OR13G1: variants seen among roughly 807,000 people sequenced by gnomAD.
The protein encoded by OR13G1 is olfactory receptor 13G1.
For missense variants in OR13G1, 369 were observed against 385.7 expected (o/e 0.96, Z 0.36); for synonymous variants, 128 against 136.2 (o/e 0.94, Z 0.42).
chr1:247,673,305 A>C, intron 1 of OR13G1, 26 bp from the exon 2 acceptor site: 1 of 424,234 alleles, frequency 2.4e-6, no homozygotes, highest in Non-Finnish European at 4.2e-6. Context: ...GAGAAGAAAA[A>C]TATTTTCAAA....
At chr1:247,673,717 C>G (rs1274938975) in intron 1 of OR13G1, among the ~76,000 whole-genome samples, 5 of 152,090 alleles carry the variant, frequency 3.3e-5, no homozygotes, top group Admixed American at 3.3e-4. Flanking sequence ...CCAAAATTCA[C>G]TGGACCAGCT....
At chr1:247,679,222 A>G (rs1218200196) in intron 1 of OR13G1, among the ~76,000 whole-genome samples, 1 of 152,120 alleles carries the variant, frequency 6.6e-6, no homozygotes, top group African/African-American at 2.4e-5. Flanking sequence ...TTCTTAAACT[A>G]TTTAGCTAAG....
chr1:247,677,196 T>C (rs1045963705), intron 1 of OR13G1, among the ~76,000 whole-genome samples: 1 of 152,158 alleles, frequency 6.6e-6, no homozygotes, highest in Non-Finnish European at 1.5e-5. Flanking sequence ...TGAGCCGAGA[T>C]TGTGCCACTG....
At chr1:247,678,361 C>T (rs1210482118) in intron 1 of OR13G1, among the ~76,000 whole-genome samples, 1 of 152,168 alleles carries the variant, frequency 6.6e-6, no homozygotes, top group Admixed American at 6.5e-5. Context: ...GTATTTTCAT[C>T]TTCATTGTCA....
chr1:247,671,251 C>A lies in OR13G1; in HGVS notation c.*867G>T, dbSNP rs988093898. 13 of 151,998 alleles carry A rather than the reference C, an allele frequency of 8.6e-5. No individual in the cohort carries two copies. 9.4% of individuals were successfully genotyped at this position (151,998 alleles called of 1,614,324 possible). On this transcript the variant is annotated 3_prime_UTR_variant, in exon 2 of 2. Coordinates refer to ENST00000642119, the MANE Select transcript of OR13G1 (RefSeq NM_001005487.2). ...ATGTAGCTTATACTTACTGGGTTAT[C>A]CTTATAAAAATAATAGGCAGTGCTT...
At position 247,672,533 on chromosome 1, in the gene OR13G1, G is replaced by A. The variant is rs1350083919; in HGVS notation, c.509C>T (p.Thr170Ile). The A allele has an allele frequency of 1.2e-6, 2 of 1,614,046 alleles. No homozygotes were observed. The highest frequency in any genetic ancestry group is 2.2e-5 in the East Asian group (1 of 44,882). ...IMRLTFCGPN[T>I]IDHFFCEIPP... is the part of the protein sequence containing the mutation. ...TATCTCACAGAAGAAGTGGTCAATG[G>A]TGTTTGGCCCACAGAAAGTCAACCT... Residue 170 changes from threonine (T) to isoleucine (I), a missense_variant, in exon 2 of 2, where the codon ACC (threonine) becomes ATC (isoleucine). Thr to Ile is a moderately conservative substitution (Grantham distance 89). Coordinates refer to ENST00000642119, the MANE Select transcript of OR13G1 (RefSeq NM_001005487.2).
intron 1 of OR13G1, among the ~76,000 whole-genome samples, chr1:247,676,746 G>C (rs1288612571): frequency 6.6e-6 from 1 of 152,088 alleles, no homozygotes; most frequent in Non-Finnish European, 1.5e-5. Flanking sequence ...TGTGATATCT[G>C]AAACCCTAGC....
rs1251170875 is a variant in OR13G1, at chr1:247,673,205, G to A, written c.-164C>T. ...AGGAATTCCCATTTGATGGAGTTCT[G>A]TATTCCAGGCAATATACTCTGTTTT... On this transcript the variant is annotated 5_prime_UTR_variant, in exon 2 of 2. Coordinates refer to ENST00000642119, the MANE Select transcript of OR13G1 (RefSeq NM_001005487.2). The A allele has an allele frequency of 3.3e-6, 2 of 601,754 alleles. No homozygotes were observed. Among genetic ancestry groups the A allele is most frequent in the Non-Finnish European group, 5.8e-6 (2 of 343,132 alleles). 37.3% of individuals were successfully genotyped at this position (601,754 alleles called of 1,614,324 possible). A position where few individuals can be genotyped will look rare whatever the true frequency, so the allele number is the denominator to read the frequency against.
rs968414091 is a variant in OR13G1, at chr1:247,672,918, T to C, written c.124A>G (p.Ile42Val). 2 of 1,614,014 alleles carry C rather than the reference T, an allele frequency of 1.2e-6. No individual in the cohort carries two copies. Among genetic ancestry groups the C allele is most frequent in the Admixed American group, 3.3e-5 (2 of 59,998 alleles). ...TTGTTATAGATTTTGGCAATGATGA[T>C]GAGCATGTTGCCGAGAAAAGCCACA... ...YLVAFLGNMLIIIAKIYNNTL... is the reference protein window; with the variant it reads ...YLVAFLGNMLVIIAKIYNNTL... The change falls in exon 2 of 2, where the codon ATC becomes GTC. Residue 42 changes from isoleucine (I) to valine (V), a missense_variant. Physicochemically the swap from Ile to Val is conservative, Grantham distance 29 (BLOSUM62 3). Coordinates refer to ENST00000642119, the MANE Select transcript of OR13G1 (RefSeq NM_001005487.2).
At chr1:247,673,552 T>G (rs1659252647) in intron 1 of OR13G1, among the ~76,000 whole-genome samples, 1 of 152,126 alleles carries the variant, frequency 6.6e-6, no homozygotes, top group Admixed American at 6.5e-5. Flanking sequence ...ACAGGGCTAA[T>G]TATAGTGAGG....
At chr1:247,679,242 T>G (rs757711980) in intron 1 of OR13G1, among the ~76,000 whole-genome samples, 3 of 152,160 alleles carry the variant, frequency 2.0e-5, no homozygotes, top group Non-Finnish European at 2.9e-5. Context: ...GTCTTTATGA[T>G]AATTAAAGAA....
rs1659202365 is a variant in OR13G1 at position 247,671,484 on chromosome 1, A to C, written c.*634T>G. On this transcript the variant is annotated 3_prime_UTR_variant, in exon 2 of 2. Coordinates refer to ENST00000642119, the MANE Select transcript of OR13G1 (RefSeq NM_001005487.2). The stretch of plus-strand genomic sequence containing the variant: ...CTGCCTAATGTCAGACTAATGTTGC[A>C]TGAGGCATAAGTGTACTCACTGGTT... 6.5e-6 allele frequency: 1 copy of C among 152,822 alleles called. No individual in the cohort carries two copies. The highest frequency in any genetic ancestry group is 2.4e-5 in the African/African-American group (1 of 41,456). The allele number at this position is 152,822 out of a possible 1,614,324, so 9.5% of individuals were successfully genotyped here.
At chr1:247,676,241 C>G (rs1031606312) in intron 1 of OR13G1, among the ~76,000 whole-genome samples, 12 of 151,846 alleles carry the variant, frequency 7.9e-5, no homozygotes, top group Admixed American at 7.2e-4. Context: ...ACTTATTGAG[C>G]TACCAATCAA....
At chr1:247,676,177 C>A (rs891391389) in intron 1 of OR13G1, among the ~76,000 whole-genome samples, 13 of 152,006 alleles carry the variant, frequency 8.6e-5, no homozygotes, top group African/African-American at 2.9e-4. Context: ...GTAAACTCAC[C>A]GAGATTCTTT....
intron 1 of OR13G1, among the ~76,000 whole-genome samples, chr1:247,678,881 G>A (rs1225847676): frequency 6.6e-6 from 1 of 152,162 alleles, no homozygotes; most frequent in African/African-American, 2.4e-5. Context: ...TAGGAGACCT[G>A]TCAGTCTCAG....
At position 247,671,665 on chromosome 1, in the gene OR13G1, A is replaced by C. The variant is rs1659205840; in HGVS notation, c.*453T>G. 6.1e-6 allele frequency: 1 copy of C among 164,778 alleles called. No homozygotes were observed. Among genetic ancestry groups the C allele is most frequent in the South Asian group, 1.6e-4 (1 of 6,350 alleles). 10.2% of individuals were successfully genotyped at this position (164,778 alleles called of 1,614,324 possible). On this transcript the variant is annotated 3_prime_UTR_variant, in exon 2 of 2. Transcript: ENST00000642119. ...CCCAGAGTAGATACCTCATTATCAC[A>C]ATGCTGTAAGTGAATGAACCCAGCC...
In OR13G1 at chr1:247,672,403, G is replaced by A. The variant is rs369727637; in HGVS notation, c.639C>T (p.Ile213=). The change falls in exon 2 of 2, where the codon ATC becomes ATT. Residue 213 remains isoleucine, a synonymous_variant. Coordinates refer to ENST00000642119, the MANE Select transcript of OR13G1 (RefSeq NM_001005487.2). ...LAIGDFILTC[I]SYGFIIVAIL... ...TAGCAACAATGATAAAACCATAGGA[G>A]ATGCAGGTAAGAATAAAGTCCCCTA... 10 of 1,614,014 alleles carry A rather than the reference G, an allele frequency of 6.2e-6. No homozygotes were observed. Among genetic ancestry groups the A allele is most frequent in the Non-Finnish European group, 8.5e-6 (10 of 1,180,024 alleles).
Position 247,672,301 on chromosome 1 carries a change from A to G in OR13G1, c.741T>C (p.Leu247=), listed in dbSNP as rs774650410. 8.1e-6 allele frequency: 13 copies of G among 1,613,884 alleles called. No homozygotes were observed. The highest frequency in any genetic ancestry group is 1.1e-5 in the South Asian group (1 of 91,066). Residue 247 remains leucine, a synonymous_variant, in exon 2 of 2, where the codon CTT becomes CTC. Transcript: ENST00000642119. ...TCSSHLTVVT[L]YYSPVIYTYI... is the part of the protein sequence containing the mutation. ...AGGTGTAGATTACAGGAGAATAGTA[A>G]AGGGTCACCACTGTGAGATGAGATG...
At chr1:247,673,373 C>CATAT (rs4002908) in intron 1 of OR13G1, 94 bp from the exon 2 acceptor site, 7 of 235,120 alleles carry the variant, frequency 3.0e-5, no homozygotes, top group African/African-American at 1.1e-4. Flanking sequence ...TACACACACA[C>CATAT]ATATATATAT....
Sources: gnomAD v4.1 joint callset for allele counts (sites outside exome capture counted in the v4.1 genomes callset) on GRCh38, gnomAD v4.1.1 for gene constraint, MANE v1.5 for transcripts, NCBI Gene and HGNC (gene_info 2026-07-23, HGNC 2026-07-21) for gene names.